NXF3: variants seen among roughly 807,000 people sequenced by gnomAD.
The protein encoded by NXF3 is TAP-like protein 3.
Under a neutral mutation model 48.4 loss-of-function variants are expected in NXF3, and 34 were observed. The observed-to-expected ratio is 0.70, with a 90% CI of 0.53 to 0.93. The LOEUF is 0.93. Among genes scored for constraint, NXF3 ranks in the 40% least tolerant of loss-of-function variants. NXF3 has a pLI of 0.00. For missense variants in NXF3, 359 were observed against 406.1 expected (o/e 0.88, Z 1.00); for synonymous variants, 132 against 145.7 (o/e 0.91, Z 0.68).
At chrX:103,088,808 C>T in intron 1 of NXF3, 2 of 1,143,444 alleles carry the variant, frequency 1.7e-6, no homozygotes, top group South Asian at 1.9e-5. Context: ...CATCCCTTTG[C>T]CAAGTAGAAT....
intron 9 of NXF3, 111 bp downstream of exon 9, chrX:103,082,144 G>A (rs752219303): frequency 9.0e-6 from 5 of 553,354 alleles, no homozygotes; most frequent in Non-Finnish European, 1.7e-5. Flanking sequence ...GGGGCGAGGG[G>A]GAAGGAGAGG....
rs757050787 is a variant in NXF3 at position 103,093,017 on chromosome X, G to A, written c.7C>T (p.Leu3=). The A allele has an allele frequency of 6.6e-6, 8 of 1,207,816 alleles. No homozygotes were observed. The highest frequency in any genetic ancestry group is 3.5e-5 in the African/African-American group (2 of 57,290). MS[L]PSGHTTGHTD... ...TCACCCGTAGTGTGTCCTGAAGGCA[G>A]TGACATTTTACCAATGTCCTTATAG... The change falls in exon 1 of 20, where the codon CTG becomes TTG. Residue 3 remains leucine, a synonymous_variant. Transcript: ENST00000395065.
Position 103,083,648 on chromosome X carries a change from C to A in NXF3, c.396G>T (p.Leu132Phe). 2 of 1,209,814 alleles carry A rather than the reference C, an allele frequency of 1.7e-6. No individual in the cohort carries two copies. Among genetic ancestry groups the A allele is most frequent in the Non-Finnish European group, 2.2e-6 (2 of 893,880 alleles). ...AGGGTACACTGCATTCATTCTGAAT[C>A]AAATTCAGCAGCCACTTCTCATTGT... is the stretch of plus-strand genomic sequence containing the variant. The part of the protein sequence containing the change: ...IKYNEKWLLN[L>F]IQNECSVPFV... The change falls in exon 4 of 20, where the codon TTG (leucine) becomes TTT (phenylalanine). Residue 132 changes from leucine (L) to phenylalanine (F), a missense_variant. Transcript: ENST00000395065.
chrX:103,080,340 G>A (rs929792745), intron 10 of NXF3, 124 bp from the exon 11 acceptor site: 6 of 743,989 alleles, frequency 8.1e-6, no homozygotes, highest in South Asian at 2.5e-5. Flanking sequence ...TGGAAATTAC[G>A]TGGGCAAGAC....
chrX:103,077,290 G>T (rs1247370425), intron 18 of NXF3, among the ~76,000 whole-genome samples: 1 of 83,375 alleles, frequency 1.2e-5, no homozygotes, highest in African/African-American at 4.9e-5. Flanking sequence ...TTGCTCTGTT[G>T]CCCAGGCTGG....
chrX:103,084,619 C>T (rs775885174), intron 2 of NXF3, 96 bp downstream of exon 2: 20 of 1,131,767 alleles, frequency 1.8e-5, no homozygotes, highest in Non-Finnish European at 2.3e-5. Context: ...TGTCATTCCT[C>T]TCTCTGTCAA....
intron 5 of NXF3, 45 bp downstream of exon 5, chrX:103,083,353 G>C: frequency 8.6e-7 from 1 of 1,164,635 alleles, no homozygotes; most frequent in Non-Finnish European, 1.2e-6. Flanking sequence ...CCCTTGCCCT[G>C]CCCTCTTGCT....
intron 1 of NXF3, among the ~76,000 whole-genome samples, chrX:103,091,116 C>T (rs1445588484): frequency 8.9e-6 from 1 of 112,062 alleles, no homozygotes; most frequent in African/African-American, 3.2e-5. Context: ...GTTTTATATA[C>T]TCTTTTTCCC....
At chrX:103,088,140 A>T in intron 1 of NXF3, 1 of 995,482 alleles carries the variant, frequency 1.0e-6, no homozygotes, top group Non-Finnish European at 1.4e-6. Flanking sequence ...TTTTCCTGCT[A>T]GAGGTGGCAA....
At chrX:103,087,751 G>T in intron 1 of NXF3, 1 of 973,836 alleles carries the variant, frequency 1.0e-6, no homozygotes, top group South Asian at 2.0e-5. Flanking sequence ...CTGGTCAGAG[G>T]CCTTTTAAAT....
chrX:103,082,678 AG>A, intron 8 of NXF3, 81 bp downstream of exon 8: 2 of 804,333 alleles, frequency 2.5e-6, no homozygotes, highest in Non-Finnish European at 3.7e-6. Flanking sequence ...GGCCCCCAAC[AG>A]GGGATATCTT....
At chrX:103,085,013 G>A (rs762364833) in intron 1 of NXF3, 130 bp from the exon 2 acceptor site, 1 of 598,310 alleles carries the variant, frequency 1.7e-6, no homozygotes. Flanking sequence ...TGCCCAGACT[G>A]TAGTGCAGTG....
At chrX:103,076,748 C>CA (rs1216394890) in intron 18 of NXF3, among the ~76,000 whole-genome samples, 1 of 102,840 alleles carries the variant, frequency 9.7e-6, no homozygotes, top group Non-Finnish European at 2.0e-5. Context: ...GTCACCCCCC[C>CA]ATCCACCAGA....
At position 103,087,744 on chromosome X, in the gene NXF3, G is replaced by A. The variant is rs185854632; in HGVS notation, c.29-2861C>T. ...GATAGGCATGTACTTATTCATACTG[G>A]TCAGAGGCCTTTTAAATGTCTCTCG... On this transcript the variant is annotated intron_variant, in intron 1 of 19. Coordinates refer to ENST00000395065, the MANE Select transcript of NXF3 (RefSeq NM_022052.2). 3,607 of 986,530 alleles carry A rather than the reference G, an allele frequency of 3.7e-3. 19 individuals are homozygous for A. Among genetic ancestry groups the A allele is most frequent in the South Asian group, 0.022 (1,059 of 49,012 alleles). The allele number at this position is 986,530 out of a possible 1,213,427, so 81.3% of individuals were successfully genotyped here.
At position 103,093,095 on chromosome X, in the gene NXF3, T is replaced by G; in HGVS notation, c.-72A>C. 2.2e-5 allele frequency: 22 copies of G among 988,616 alleles called. No homozygotes were observed. Among genetic ancestry groups the G allele is most frequent in the Non-Finnish European group, 2.9e-5 (20 of 697,591 alleles). The allele number at this position is 988,616 out of a possible 1,213,427, so 81.5% of individuals were successfully genotyped here. On this transcript the variant is annotated 5_prime_UTR_variant, in exon 1 of 20. Coordinates refer to ENST00000395065, the MANE Select transcript of NXF3 (RefSeq NM_022052.2). ...CTGGGGACGGGAGTTTGGAGAAGAT[T>G]GAGGAGGGCTGCTGACGAAGGCGAG...
rs1406438380 is a variant in NXF3 at position 103,085,378 on chromosome X, T to C, written c.29-495A>G. Among the ~76,000 whole-genome samples, 7 of 111,438 alleles carry C rather than the reference T, an allele frequency of 6.3e-5. No homozygotes were observed. In the Admixed American group the frequency reaches 6.7e-4, roughly 11 times the overall value. Reference sequence around the variant, plus strand: ...TCTGCCCTTTTCAGGCTGGGTAACATGGAACAAATTGCTTATCATCTGTAA... The same window carrying C: ...TCTGCCCTTTTCAGGCTGGGTAACACGGAACAAATTGCTTATCATCTGTAA... On this transcript the variant is annotated intron_variant, in intron 1 of 19. Coordinates refer to ENST00000395065, the MANE Select transcript of NXF3 (RefSeq NM_022052.2).
chrX:103,089,406 G>A, intron 1 of NXF3: 1 of 257,812 alleles, frequency 3.9e-6, no homozygotes, highest in Non-Finnish European at 6.8e-6. Context: ...TGTTTGTCCT[G>A]CATAGTAAGG....
chrX:103,077,894 C>G, intron 17 of NXF3, 148 bp from the exon 18 acceptor site: 1 of 594,323 alleles, frequency 1.7e-6, no homozygotes, highest in East Asian at 3.6e-5. Context: ...ACCCTCTAAA[C>G]CTTCCACAGA....
intron 1 of NXF3, chrX:103,088,628 C>T (rs1922209173): frequency 1.1e-6 from 1 of 950,733 alleles, no homozygotes. Context: ...TAAGATATGT[C>T]TCTGTGACAA....
Sources: allele counts gnomAD v4.1 joint callset (sites outside exome capture counted in the v4.1 genomes callset), GRCh38; gene constraint gnomAD v4.1.1; transcripts MANE v1.5; gene names NCBI Gene and HGNC (gene_info 2026-07-23, HGNC 2026-07-21).